The following TENM1 variants were observed in gnomAD, a reference collection of about 807,000 sequenced individuals.
The protein encoded by TENM1 is teneurin transmembrane protein 1, also known as teneurin-1.
A neutral mutation model predicts 174.8 loss-of-function variants in TENM1; 35 were observed. The ratio of observed to expected loss-of-function variants is 0.20; its 90% CI spans 0.15 to 0.27. The LOEUF is 0.27. Ranked by LOEUF, TENM1 falls within the 10% of genes least tolerant of loss-of-function variation. The pLI is 1.00. For synonymous variants in TENM1, 781 were observed against 798.7 expected (o/e 0.98, Z 0.37); for missense variants, 1,633 against 2,130.1 (o/e 0.77, Z 4.59).
At chrX:124,773,577 G>A (rs2054711014) in intron 3 of TENM1, among the ~76,000 whole-genome samples, 1 of 111,592 alleles carries the variant, frequency 9.0e-6, no homozygotes, top group African/African-American at 3.3e-5. Flanking sequence ...ATGTTCAGGA[G>A]TCTATGTTGC....
chrX:124,924,175 T>G, intron 1 of TENM1, among the ~76,000 whole-genome samples: 1 of 112,345 alleles, frequency 8.9e-6, no homozygotes, highest in East Asian at 2.8e-4. Flanking sequence ...ATTGACTTTT[T>G]GTCCCTTATC....
At chrX:124,574,683 G>A (rs781724814) in intron 11 of TENM1, among the ~76,000 whole-genome samples, 9 of 95,975 alleles carry the variant, frequency 9.4e-5, no homozygotes, top group Non-Finnish European at 1.7e-4. Context: ...TAAACTATGA[G>A]GATTTTTCTC....
At chrX:124,587,160 A>G (rs1275092339) in intron 11 of TENM1, among the ~76,000 whole-genome samples, 1 of 109,789 alleles carries the variant, frequency 9.1e-6, no homozygotes, top group African/African-American at 3.3e-5. Flanking sequence ...GCTACCAATG[A>G]CTTTCTTCAC....
Position 124,384,776 on chromosome X carries a change from T to C in TENM1, c.6155A>G (p.Asn2052Ser), listed in dbSNP as rs1257153727. 1.6e-5 allele frequency: 19 copies of C among 1,209,528 alleles called. No homozygotes were observed. Among genetic ancestry groups the C allele is most frequent in the Non-Finnish European group, 2.1e-5 (19 of 894,628 alleles). ...AGCTTGCATGCTTGTGACTCGGAAA[T>C]TGTTGTAGCTGTAGTCGAACCGTGC... is the stretch of plus-strand genomic sequence containing the variant. Residue 2052 changes from asparagine (N) to serine (S), a missense_variant, in exon 30 of 32, where the codon AAT becomes AGT. Physicochemically the swap from Asn to Ser is conservative, Grantham distance 46. This residue lies in a region of TENM1 where 807 missense variants were observed against 1,125.3 expected (regional missense o/e 0.72). Transcript: ENST00000422452.
intron 23 of TENM1, among the ~76,000 whole-genome samples, chrX:124,436,327 G>C (rs1171136494): frequency 9.0e-6 from 1 of 110,847 alleles, no homozygotes; most frequent in African/African-American, 3.3e-5. Flanking sequence ...AAAGGAGGGA[G>C]AAGGGACTTG....
intron 11 of TENM1, among the ~76,000 whole-genome samples, chrX:124,638,729 T>C (rs1189446703): frequency 9.0e-6 from 1 of 111,364 alleles, no homozygotes; most frequent in Non-Finnish European, 1.9e-5. Context: ...TCGCTGGCCA[T>C]ATGCAAGCGG....
At chrX:124,555,076 G>T (rs2048664286) in intron 14 of TENM1, among the ~76,000 whole-genome samples, 1 of 111,664 alleles carries the variant, frequency 9.0e-6, no homozygotes, top group Non-Finnish European at 1.9e-5. Context: ...TCCTCCATAA[G>T]TCGAGTGAAT....
the TENM1 span, among the ~76,000 whole-genome samples, chrX:125,066,679 T>G: frequency 8.9e-6 from 1 of 111,959 alleles, no homozygotes; most frequent in Non-Finnish European, 1.9e-5. Flanking sequence ...ATTTTATTAT[T>G]TTTTTCAAAG....
At chrX:124,733,571 G>A (rs182522013) in intron 4 of TENM1, among the ~76,000 whole-genome samples, 1 of 111,754 alleles carries the variant, frequency 8.9e-6, no homozygotes, top group African/African-American at 3.3e-5. Context: ...ATAAGTTCCT[G>A]GATACCCACA....
exon 12 of TENM1, chrX:124,565,492 A>G: frequency 8.3e-7 from 1 of 1,210,010 alleles, no homozygotes; most frequent in South Asian, 1.8e-5. Flanking sequence ...GGTCCTACCC[A>G]GCCTTCTTCA....
chrX:124,754,503 T>C (rs2054174797), intron 3 of TENM1, among the ~76,000 whole-genome samples: 1 of 111,310 alleles, frequency 9.0e-6, no homozygotes, highest in Non-Finnish European at 1.9e-5. Context: ...TCTGCTCTGA[T>C]TTTAGTTATT....
intron 3 of TENM1, among the ~76,000 whole-genome samples, chrX:124,755,214 GT>G: frequency 9.2e-6 from 1 of 108,404 alleles, no homozygotes; most frequent in Middle Eastern, 4.7e-3. Context: ...AGCCCTTCTT[GT>G]TGAATTGATC....
At chrX:125,184,245 C>T in the TENM1 span, among the ~76,000 whole-genome samples, 4 of 112,042 alleles carry the variant, frequency 3.6e-5, no homozygotes, top group Admixed American at 9.5e-5. Context: ...GTAAGACTAA[C>T]ATTTTCCACA....
chrX:124,455,667 C>A (rs1348478149), intron 22 of TENM1, among the ~76,000 whole-genome samples: 1 of 111,185 alleles, frequency 9.0e-6, no homozygotes, highest in South Asian at 3.8e-4. Flanking sequence ...ATTACTAAAT[C>A]GTAGTGAATG....
chrX:124,449,735 T>G (rs1386653718), intron 23 of TENM1, among the ~76,000 whole-genome samples: 2 of 111,933 alleles, frequency 1.8e-5, no homozygotes, highest in Non-Finnish European at 3.8e-5. Context: ...TTCAAGTCTC[T>G]ATTAAAAAAG....
chrX:125,162,125 C>G, the TENM1 span, among the ~76,000 whole-genome samples: 2 of 111,164 alleles, frequency 1.8e-5, no homozygotes, highest in African/African-American at 6.5e-5. Flanking sequence ...GTTGTCATGC[C>G]TGAAGCTGCT....
intron 11 of TENM1, among the ~76,000 whole-genome samples, chrX:124,622,157 C>T (rs2148330259): frequency 8.9e-6 from 1 of 112,155 alleles, no homozygotes; most frequent in South Asian, 3.7e-4. Context: ...ACAAGAAGGC[C>T]ACTTTCCAGA....
the TENM1 span, among the ~76,000 whole-genome samples, chrX:125,183,185 A>G: frequency 8.9e-6 from 1 of 112,180 alleles, no homozygotes; most frequent in Non-Finnish European, 1.9e-5. Context: ...TTGCATTGCC[A>G]CATCTCATTA....
At chrX:124,835,972 C>T (rs1393485556) in intron 3 of TENM1, among the ~76,000 whole-genome samples, 1 of 111,554 alleles carries the variant, frequency 9.0e-6, no homozygotes, top group Non-Finnish European at 1.9e-5. Flanking sequence ...TGGAAAGGCT[C>T]ATGACAGCAT....
Sources: gnomAD v4.1 joint callset for allele counts (sites outside exome capture counted in the v4.1 genomes callset) on GRCh38, gnomAD v4.1.1 for gene constraint, gnomAD v4.1.1 regional missense constraint, MANE v1.5 for transcripts, NCBI Gene and HGNC (gene_info 2026-07-23, HGNC 2026-07-21) for gene names.